Variants in ZEB2 observed in about 807,000 individuals in gnomAD.
The protein encoded by ZEB2 is zinc finger E-box-binding homeobox 2.
ZEB2 carries 6 observed loss-of-function variants against 99.9 expected under a neutral mutation model. That is an observed-to-expected ratio of 0.06 (90% CI 0.03 to 0.12). The LOEUF (loss-of-function observed/expected upper bound fraction) is 0.12. ZEB2 is among the 10% of genes least tolerant of loss of function. The probability of loss-of-function intolerance (pLI) is 1.00; values close to 1 mark genes in which losing one functional copy is unlikely to be tolerated. For synonymous variants in ZEB2, 517 were observed against 542.5 expected (o/e 0.95, Z 0.65); for missense variants, 969 against 1,502.8 (o/e 0.64, Z 5.87).
chr2:144,425,421 T>C (rs766592194), intron 3 of ZEB2, among the ~76,000 whole-genome samples: 1 of 152,236 alleles, frequency 6.6e-6, no homozygotes, highest in Non-Finnish European at 1.5e-5. Flanking sequence ...CAACAATACC[T>C]GTTTCACTGC....
At chr2:144,501,834 A>G (rs1279831780) in intron 2 of ZEB2, among the ~76,000 whole-genome samples, 1 of 152,230 alleles carries the variant, frequency 6.6e-6, no homozygotes, top group Admixed American at 6.5e-5. Context: ...GGGATTGGAC[A>G]AAATTTTCTC....
At chr2:144,395,704 T>TGGTA (rs1332654323) in intron 9 of ZEB2, among the ~76,000 whole-genome samples, 14 of 152,164 alleles carry the variant, frequency 9.2e-5, no homozygotes, top group African/African-American at 3.4e-4. Context: ...AAATTACATA[T>TGGTA]GGTACTTCAT....
chr2:144,396,335 A>G (rs910548301), intron 9 of ZEB2, 77 bp downstream of exon 9: 6 of 1,546,582 alleles, frequency 3.9e-6, no homozygotes, highest in Non-Finnish European at 5.4e-6. Flanking sequence ...CTTATGTTGC[A>G]CAAGTGTGCT....
At chr2:144,394,177 T>C (rs1703189834) in intron 9 of ZEB2, among the ~76,000 whole-genome samples, 1 of 152,180 alleles carries the variant, frequency 6.6e-6, no homozygotes, top group Non-Finnish European at 1.5e-5. Flanking sequence ...TGCCTCTGCC[T>C]CCAAAAGTGC....
chr2:144,389,658 A>G lies in ZEB2; in HGVS notation c.3438T>C (p.Asp1146=). 2 of 1,613,874 alleles carry G rather than the reference A, an allele frequency of 1.2e-6. No individual in the cohort carries two copies. The highest frequency in any genetic ancestry group is 2.2e-5 in the South Asian group (2 of 91,066). The change falls in exon 10 of 10, where the codon GAT becomes GAC. Residue 1146 remains aspartate, a synonymous_variant. Coordinates refer to ENST00000627532, the MANE Select transcript of ZEB2 (RefSeq NM_014795.4). The surrounding 1 kb of genome is among the most constrained non-coding windows in gnomAD (Gnocchi z 6.8). ...SEKEHEKEGE[D]GYGKLGRQDG... Reference sequence around the variant, plus strand: ...CCTGTCTGCCCAGCTTCCCGTAGCCATCCTCGCCTTCTTTCTCGTGCTCCT... The same window carrying G: ...CCTGTCTGCCCAGCTTCCCGTAGCCGTCCTCGCCTTCTTTCTCGTGCTCCT...
At chr2:144,517,666 A>G (rs1370895482) in intron 1 of ZEB2, 2 of 699,278 alleles carry the variant, frequency 2.9e-6, no homozygotes, top group Admixed American at 2.0e-5. Context: ...TACATCTTCA[A>G]AATGAGTCAT....
chr2:144,488,545 A>G (rs866039719), intron 2 of ZEB2, among the ~76,000 whole-genome samples: 2 of 152,226 alleles, frequency 1.3e-5, no homozygotes, highest in African/African-American at 4.8e-5. Flanking sequence ...AATTAAAGGA[A>G]GAAAATCCAT....
At chr2:144,432,294 A>G (rs753450712) in intron 2 of ZEB2, among the ~76,000 whole-genome samples, 3 of 152,170 alleles carry the variant, frequency 2.0e-5, no homozygotes, top group Non-Finnish European at 4.4e-5. Context: ...AGTAGTAAAT[A>G]CTTTTAAACT....
chr2:144,515,538 G>C lies in ZEB2; in HGVS notation c.73+1740C>G, dbSNP rs544983083. ...ATTAAGAGAGAGAGAGAGGGAGAAA[G>C]AGAGAGGGAGAGACTTAAAAAGAAG... On this transcript the variant is annotated intron_variant, in intron 2 of 9. Coordinates refer to ENST00000627532, the MANE Select transcript of ZEB2 (RefSeq NM_014795.4). Among the ~76,000 whole-genome samples the C allele has an allele frequency of 1.3e-5, 2 of 151,664 alleles. 1 individual carries two copies. The highest frequency in any genetic ancestry group is 4.2e-4 in the South Asian group (2 of 4,776).
chr2:144,520,011 G>A lies in ZEB2; in HGVS notation c.-142C>T. The A allele has an allele frequency of 2.2e-6, 1 of 454,470 alleles. No homozygotes were observed. The highest frequency in any genetic ancestry group is 4.4e-6 in the Non-Finnish European group (1 of 226,782). 28.2% of individuals were successfully genotyped at this position (454,470 alleles called of 1,614,324 possible). A position where few individuals can be genotyped will look rare whatever the true frequency, so the allele number is the denominator to read the frequency against. On this transcript the variant is annotated 5_prime_UTR_variant, in exon 1 of 10. Transcript: ENST00000627532. ...AGCATGAAGAAGCCGCGAAGTGTGG[G>A]GGAGAAAAAGGTGGAAGCGAAGAAA...
At chr2:144,424,246 T>C (rs1460940293) in intron 4 of ZEB2, 7 of 407,532 alleles carry the variant, frequency 1.7e-5, no homozygotes, top group Non-Finnish European at 3.3e-5. Flanking sequence ...TGTCAATTCT[T>C]CTCTAAAACT....
At chr2:144,490,240 T>G (rs892161823) in intron 2 of ZEB2, among the ~76,000 whole-genome samples, 1 of 152,206 alleles carries the variant, frequency 6.6e-6, no homozygotes, top group South Asian at 2.1e-4. Context: ...TTATTTAACT[T>G]TGCTAAGCCA....
At position 144,429,731 on chromosome 2, in the gene ZEB2, A is replaced by G. The variant is rs369316352; in HGVS notation, c.331+38T>C. On this transcript the variant is annotated intron_variant, in intron 3 of 9. Coordinates refer to ENST00000627532, the MANE Select transcript of ZEB2 (RefSeq NM_014795.4). Reference sequence around the variant, plus strand: ...GAACAGATTAGTTGAAGATGTGAAGATGGTACAGGAAGAGGCCAAGTGATT... The same window carrying G: ...GAACAGATTAGTTGAAGATGTGAAGGTGGTACAGGAAGAGGCCAAGTGATT... 242 of 1,613,526 alleles carry G rather than the reference A, an allele frequency of 1.5e-4. 1 individual carries two copies. The highest frequency in any genetic ancestry group is 1.1e-4 in the Non-Finnish European group (129 of 1,179,704).
chr2:144,402,819 G>A (rs1703330887), intron 6 of ZEB2, among the ~76,000 whole-genome samples: 1 of 152,060 alleles, frequency 6.6e-6, no homozygotes, highest in Admixed American at 6.6e-5. Context: ...AAAGCATTCA[G>A]GTGACAAGCC....
chr2:144,396,490 C>T lies in ZEB2; in HGVS notation c.2989G>A (p.Gly997Ser), dbSNP rs1560604995. Residue 997 changes from glycine (G) to serine (S), a missense_variant, in exon 9 of 10, where the codon GGC (glycine) becomes AGC (serine). Gly to Ser is a moderately conservative substitution (Grantham distance 56). Coordinates refer to ENST00000627532, the MANE Select transcript of ZEB2 (RefSeq NM_014795.4). ...SRKKIKKTES[G>S]MYACDLCDKT... ...TCACATAAGTCACATGCATACATGC[C>T]ACTCTCTGTCTTCTTGATCTTTTTG... 1.2e-6 allele frequency: 2 copies of T among 1,614,138 alleles called. No individual in the cohort carries two copies. Among genetic ancestry groups the T allele is most frequent in the Non-Finnish European group, 1.7e-6 (2 of 1,180,002 alleles).
At position 144,385,210 on chromosome 2, in the gene ZEB2, T is replaced by G. The variant is rs1042098717; in HGVS notation, c.*4241A>C. On this transcript the variant is annotated 3_prime_UTR_variant, in exon 10 of 10. Coordinates refer to ENST00000627532, the MANE Select transcript of ZEB2 (RefSeq NM_014795.4). ...AAAGAACTCTTCTGCTCTTGAAATA[T>G]AGAGATTTCACATCTCTACACAATA... is the stretch of plus-strand genomic sequence containing the variant. 2.0e-5 allele frequency: 3 copies of G among 152,176 alleles called. No individual in the cohort carries two copies. The highest frequency in any genetic ancestry group is 2.9e-5 in the Non-Finnish European group (2 of 68,020). 9.4% of individuals were successfully genotyped at this position (152,176 alleles called of 1,614,324 possible).
chr2:144,513,962 CG>C (rs1705089221), intron 2 of ZEB2: 9 of 1,359,678 alleles, frequency 6.6e-6, no homozygotes, highest in Non-Finnish European at 8.8e-6. Flanking sequence ...GCGGGCAACT[CG>C]CTTTTTGCCT....
intron 2 of ZEB2, among the ~76,000 whole-genome samples, chr2:144,466,589 T>G (rs890679664): frequency 2.0e-5 from 3 of 152,320 alleles, no homozygotes; most frequent in Middle Eastern, 3.4e-3. Flanking sequence ...GCTAATGCAC[T>G]GAATCTTCCG....
At chr2:144,439,997 A>T (rs1048556546) in intron 2 of ZEB2, among the ~76,000 whole-genome samples, 2 of 152,098 alleles carry the variant, frequency 1.3e-5, no homozygotes, top group African/African-American at 2.4e-5. Flanking sequence ...AACTTTATTA[A>T]TTTTTTTTCT....
Sources: allele counts gnomAD v4.1 joint callset (sites outside exome capture counted in the v4.1 genomes callset), GRCh38; gene constraint gnomAD v4.1.1; non-coding constraint Gnocchi (gnomAD v3.1); transcripts MANE v1.5; gene names NCBI Gene and HGNC (gene_info 2026-07-23, HGNC 2026-07-21).